The following UBQLN1 variants were observed in gnomAD, a reference collection of about 807,000 sequenced individuals.
UBQLN1 encodes ubiquilin-1.
UBQLN1 carries 13 observed loss-of-function variants against 65.4 expected under a neutral mutation model. The observed-to-expected ratio is 0.20, with a 90% confidence interval of 0.13 to 0.32. The LOEUF (loss-of-function observed/expected upper bound fraction) is 0.32, where lower values mean the gene tolerates loss of function less well. Ranked by LOEUF, UBQLN1 falls within the 10% of genes least tolerant of loss-of-function variation. The pLI, the probability that UBQLN1 is intolerant of heterozygous loss-of-function variation, is 1.00. For missense variants in UBQLN1, 561 were observed against 724.0 expected (o/e 0.77, Z 2.58); for synonymous variants, 267 against 247.8 (o/e 1.08, Z -0.73).
chr9:83,703,042 C>G (rs1196281657), intron 1 of UBQLN1, among the ~76,000 whole-genome samples: 1 of 152,076 alleles, frequency 6.6e-6, no homozygotes, highest in Non-Finnish European at 1.5e-5. Context: ...AGAAACTCCC[C>G]TCCATTATCT....
chr9:83,688,977 G>A lies in UBQLN1; in HGVS notation c.181-2822C>T, dbSNP rs185156852. Among the ~76,000 whole-genome samples the A allele has an allele frequency of 6.3e-3, 958 of 152,090 alleles. 2 individuals are homozygous for A. The highest frequency in any genetic ancestry group is 0.011 in the Non-Finnish European group (748 of 68,006). On this transcript the variant is annotated intron_variant, in intron 1 of 10. Transcript: ENST00000376395. The stretch of plus-strand genomic sequence containing the variant: ...ATACCACGTAATTCACTCATTTAAA[G>A]TATACGATTCAATGGTTTCTGGAGT...
At chr9:83,686,183 T>TA in intron 1 of UBQLN1, 28 bp from the exon 2 acceptor site, 1 of 1,453,650 alleles carries the variant, frequency 6.9e-7, no homozygotes, top group Non-Finnish European at 9.3e-7. Flanking sequence ...AAGTATGTAT[T>TA]ACAGTTGTTT....
rs1587636176 is a variant in UBQLN1 at position 83,664,623 on chromosome 9, TG to T, written c.1448+406del. ...TAAGTAAATAAATAAATAAAAACGG[TG>T]GGGGAGAACCAGGTGCTATGGCTCA... On this transcript the variant is annotated intron_variant, in intron 9 of 10. Coordinates refer to ENST00000376395, the MANE Select transcript of UBQLN1 (RefSeq NM_013438.5). 4.0e-5 allele frequency among the ~76,000 whole-genome samples: 6 copies of T among 150,942 alleles called. No homozygotes were observed. In the South Asian group the frequency reaches 1.3e-3, roughly 32 times the overall value.
chr9:83,681,948 C>T (rs1475126649), intron 3 of UBQLN1, among the ~76,000 whole-genome samples: 2 of 152,092 alleles, frequency 1.3e-5, no homozygotes, highest in South Asian at 2.1e-4. Flanking sequence ...CCTTACAAAC[C>T]GGTAAAAAGC....
chr9:83,701,193 A>C lies in UBQLN1; in HGVS notation c.180+6307T>G, dbSNP rs1156825721. ...TACAAATTAAAACTGAATAACCTTT[A>C]AAAATAAATTCATTTAAAAATAATA... On this transcript the variant is annotated intron_variant, in intron 1 of 10. Coordinates refer to ENST00000376395, the MANE Select transcript of UBQLN1 (RefSeq NM_013438.5). Among the ~76,000 whole-genome samples the C allele has an allele frequency of 8.5e-5, 13 of 152,190 alleles. No homozygotes were observed. The East Asian group carries it at 2.3e-3, about 27-fold the overall frequency.
At chr9:83,706,619 G>C (rs959939487) in intron 1 of UBQLN1, among the ~76,000 whole-genome samples, 4 of 152,116 alleles carry the variant, frequency 2.6e-5, no homozygotes, top group Non-Finnish European at 4.4e-5. Context: ...TGGAAAACAC[G>C]ACGTATTCAA....
chr9:83,685,945 T>G (rs1287686858), intron 2 of UBQLN1, 59 bp downstream of exon 2: 1 of 1,466,162 alleles, frequency 6.8e-7, no homozygotes, highest in Non-Finnish European at 9.2e-7. Context: ...CACTAGTTAC[T>G]TTTAGAAGTA....
At chr9:83,690,678 G>A (rs1832112291) in intron 1 of UBQLN1, among the ~76,000 whole-genome samples, 1 of 151,790 alleles carries the variant, frequency 6.6e-6, no homozygotes, top group Non-Finnish European at 1.5e-5. Flanking sequence ...AGGCTGCAGT[G>A]AGCTACGATC....
chr9:83,691,128 A>T (rs1485772453), intron 1 of UBQLN1, among the ~76,000 whole-genome samples: 1 of 151,888 alleles, frequency 6.6e-6, no homozygotes, highest in African/African-American at 2.4e-5. Flanking sequence ...ACAGAGAGGC[A>T]CTCGTCTCAA....
intron 1 of UBQLN1, among the ~76,000 whole-genome samples, chr9:83,699,281 T>C (rs981931880): frequency 2.0e-5 from 3 of 152,206 alleles, no homozygotes; most frequent in Non-Finnish European, 4.4e-5. Context: ...TATTGAAAAA[T>C]TGACTTCAGT....
At chr9:83,700,259 A>G (rs1344227879) in intron 1 of UBQLN1, among the ~76,000 whole-genome samples, 1 of 152,210 alleles carries the variant, frequency 6.6e-6, no homozygotes, top group Non-Finnish European at 1.5e-5. Flanking sequence ...ATCATGAAGC[A>G]GTCAAGAGTT....
chr9:83,703,496 C>G (rs909717259), intron 1 of UBQLN1, among the ~76,000 whole-genome samples: 3 of 151,998 alleles, frequency 2.0e-5, no homozygotes, highest in Non-Finnish European at 4.4e-5. Context: ...CAAGATATCT[C>G]ATTATGTATA....
chr9:83,687,508 C>CA (rs1367915552), intron 1 of UBQLN1, among the ~76,000 whole-genome samples: 1 of 152,098 alleles, frequency 6.6e-6, no homozygotes, highest in Non-Finnish European at 1.5e-5. Context: ...TGGATCTCAA[C>CA]AGATAAGGAA....
At chr9:83,707,378 C>T in intron 1 of UBQLN1, 122 bp downstream of exon 1, 1 of 1,117,368 alleles carries the variant, frequency 8.9e-7, no homozygotes, top group Non-Finnish European at 1.2e-6. Flanking sequence ...TAATTTGGGA[C>T]GACGCCCGGG....
At position 83,686,976 on chromosome 9, in the gene UBQLN1, T is replaced by TA. The variant is rs1052340133; in HGVS notation, c.181-822dup. 3.3e-3 allele frequency among the ~76,000 whole-genome samples: 484 copies of TA among 144,676 alleles called. 4 individuals carry two copies. The highest frequency in any genetic ancestry group is 0.019 in the Admixed American group (276 of 14,416). 94.9% of individuals were successfully genotyped at this position (144,676 alleles called of 152,430 possible). On this transcript the variant is annotated intron_variant, in intron 1 of 10. Transcript: ENST00000376395. ...ACTTCTGGTCCCAAGTCTGTCTGTT[T>TA]AAAAAAAAAAAAAGTTTTTGGATAA...
At chr9:83,668,720 A>T in intron 7 of UBQLN1, 1 of 821,136 alleles carries the variant, frequency 1.2e-6, no homozygotes, top group African/African-American at 1.9e-5. Flanking sequence ...AAGAAGGAGA[A>T]CATTGTTCTG....
intron 1 of UBQLN1, among the ~76,000 whole-genome samples, chr9:83,701,459 T>C (rs930788717): frequency 3.3e-5 from 5 of 152,132 alleles, no homozygotes; most frequent in Non-Finnish European, 7.4e-5. Context: ...AATAGTTTCA[T>C]CTCATGGTAC....
chr9:83,661,334 A>C lies in UBQLN1; in HGVS notation c.*453T>G, dbSNP rs1321700322. The C allele has an allele frequency of 6.2e-6, 1 of 161,312 alleles. No individual in the cohort carries two copies. The highest frequency in any genetic ancestry group is 1.9e-4 in the East Asian group (1 of 5,226). The allele number at this position is 161,312 out of a possible 1,614,324, so 10.0% of individuals were successfully genotyped here. On this transcript the variant is annotated 3_prime_UTR_variant, in exon 11 of 11. Coordinates refer to ENST00000376395, the MANE Select transcript of UBQLN1 (RefSeq NM_013438.5). The stretch of plus-strand genomic sequence containing the variant: ...TGTATACAAATAAAACAAAATTATC[A>C]GTAGTATAAATCTTACAGCATTGTT...
chr9:83,675,240 A>T (rs1831811409), intron 6 of UBQLN1, among the ~76,000 whole-genome samples: 1 of 152,172 alleles, frequency 6.6e-6, no homozygotes, highest in Admixed American at 6.5e-5. Context: ...CAAAGATTAA[A>T]ATTTTAGTAA....
Sources: gnomAD v4.1 joint callset for allele counts (sites outside exome capture counted in the v4.1 genomes callset) on GRCh38, gnomAD v4.1.1 for gene constraint, MANE v1.5 for transcripts, NCBI Gene and HGNC (gene_info 2026-07-23, HGNC 2026-07-21) for gene names.